PCSK6: variants seen among roughly 807,000 people sequenced by gnomAD.
The protein encoded by PCSK6 is paired basic amino acid cleaving enzyme 4.
A neutral mutation model predicts 123.3 loss-of-function variants in PCSK6; 85 were observed. That is an observed-to-expected ratio of 0.69 (90% CI 0.58 to 0.83). The LOEUF (loss-of-function observed/expected upper bound fraction) is 0.83. Ranked by LOEUF, PCSK6 falls within the 40% of genes least tolerant of loss-of-function variation. PCSK6 has a pLI of 0.00. For synonymous variants in PCSK6, 508 were observed against 516.0 expected (o/e 0.98, Z 0.21); for missense variants, 1,191 against 1,282.3 (o/e 0.93, Z 1.09).
At chr15:101,337,922 T>C (rs1487049485) in intron 13 of PCSK6, among the ~76,000 whole-genome samples, 4 of 152,236 alleles carry the variant, frequency 2.6e-5, no homozygotes. Context: ...CCAGTTCCCT[T>C]TTTTGAAATA....
chr15:101,432,139 G>T (rs765241552), intron 2 of PCSK6, 39 bp from the exon 3 acceptor site: 1 of 1,521,384 alleles, frequency 6.6e-7, no homozygotes, highest in Admixed American at 1.8e-5. Context: ...TATTAGAAAT[G>T]ATTTCTTGAT....
chr15:101,399,183 G>A (rs779656021), intron 6 of PCSK6, among the ~76,000 whole-genome samples: 37 of 152,308 alleles, frequency 2.4e-4, no homozygotes, highest in Admixed American at 9.8e-4. Flanking sequence ...TTACAGGCGT[G>A]AGCCACCACT....
At chr15:101,347,260 T>C in intron 13 of PCSK6, 1 of 1,232,420 alleles carries the variant, frequency 8.1e-7, no homozygotes, top group Non-Finnish European at 1.0e-6. Context: ...AAATCTCAAC[T>C]CTTATCTTAG....
intron 13 of PCSK6, among the ~76,000 whole-genome samples, chr15:101,364,043 C>T (rs905757549): frequency 2.6e-5 from 4 of 152,222 alleles, no homozygotes; most frequent in East Asian, 3.9e-4. Flanking sequence ...GTCAATTTTC[C>T]ACGTAAGGCA....
intron 5 of PCSK6, among the ~76,000 whole-genome samples, 180 bp from the exon 6 acceptor site, chr15:101,428,160 GCCTGGGTACAGC>G (rs1391165225): frequency 3.3e-5 from 5 of 152,222 alleles, no homozygotes; most frequent in African/African-American, 1.2e-4. Flanking sequence ...CACCAAGTCA[GCCTGGGTACAGC>G]CCTTCCTGGC....
chr15:101,407,430 C>T (rs1211396141), intron 6 of PCSK6, among the ~76,000 whole-genome samples: 1 of 152,104 alleles, frequency 6.6e-6, no homozygotes, highest in Non-Finnish European at 1.5e-5. Flanking sequence ...CCTTCAGGCG[C>T]TACCCAGGGT....
chr15:101,425,879 C>T (rs890029455), intron 6 of PCSK6, among the ~76,000 whole-genome samples: 11 of 152,166 alleles, frequency 7.2e-5, no homozygotes, highest in African/African-American at 2.7e-4. Flanking sequence ...CTGACTCCTC[C>T]CCGCAATCCA....
In PCSK6 at chr15:101,346,830, C is replaced by T. The variant is rs889329604; in HGVS notation, c.1859-14799G>A. On this transcript the variant is annotated intron_variant, in intron 13 of 21. Coordinates refer to ENST00000611716, the MANE Select transcript of PCSK6 (RefSeq NM_002570.5). ...ATGCTTTCTACTGGAGATACAGAAC[C>T]GACTAAACAATACTGTGATTCATAA... The T allele has an allele frequency of 5.0e-5, 62 of 1,231,234 alleles. 1 individual carries two copies. The highest frequency in any genetic ancestry group is 5.2e-5 in the Non-Finnish European group (51 of 987,794). The allele number at this position is 1,231,234 out of a possible 1,614,324, so 76.3% of individuals were successfully genotyped here.
At chr15:101,484,599 C>G (rs945648338) in intron 1 of PCSK6, among the ~76,000 whole-genome samples, 3 of 152,150 alleles carry the variant, frequency 2.0e-5, no homozygotes, top group Admixed American at 6.5e-5. Flanking sequence ...CCATGTTGGC[C>G]AGGCTGGTCT....
chr15:101,446,996 T>C (rs2056907986), intron 1 of PCSK6, among the ~76,000 whole-genome samples: 1 of 152,030 alleles, frequency 6.6e-6, no homozygotes, highest in South Asian at 2.1e-4. Context: ...AGTGAGAGAA[T>C]CAAAGGTGAC....
intron 6 of PCSK6, among the ~76,000 whole-genome samples, chr15:101,411,508 T>G (rs1452457885): frequency 6.6e-6 from 1 of 152,076 alleles, no homozygotes; most frequent in African/African-American, 2.4e-5. Flanking sequence ...CACAGCCACA[T>G]GGGGATCTGT....
chr15:101,443,702 C>T lies in PCSK6; in HGVS notation c.298-42G>A, dbSNP rs773401073. On this transcript the variant is annotated intron_variant, in intron 1 of 21. Transcript: ENST00000611716. ...AGAATGCCATCAATTAATAGTCTCA[C>T]GAACAGCTTCCAAAATCTTCCACCC... The T allele has an allele frequency of 2.8e-5, 40 of 1,431,496 alleles. No individual in the cohort carries two copies. The Admixed American group carries it at 4.2e-4, about 15-fold the overall frequency. The allele number at this position is 1,431,496 out of a possible 1,614,324, so 88.7% of individuals were successfully genotyped here. A position where few individuals can be genotyped will look rare whatever the true frequency, so the allele number is the denominator to read the frequency against.
At chr15:101,431,056 C>T (rs1489961123) in intron 4 of PCSK6, among the ~76,000 whole-genome samples, 4 of 152,196 alleles carry the variant, frequency 2.6e-5, no homozygotes, top group East Asian at 1.9e-4. Context: ...CCCCTCCATG[C>T]ATTTCTTAGT....
At position 101,416,692 on chromosome 15, in the gene PCSK6, C is replaced by T. The variant is rs1042676193; in HGVS notation, c.823+11200G>A. On this transcript the variant is annotated intron_variant, in intron 6 of 21. Coordinates refer to ENST00000611716, the MANE Select transcript of PCSK6 (RefSeq NM_002570.5). The stretch of plus-strand genomic sequence containing the variant: ...CTGTATGCAGCCTAAGGACTTGGTG[C>T]ACTGTGTCCTAGCCACGTCAGTCGT... 3.9e-5 allele frequency among the ~76,000 whole-genome samples: 6 copies of T among 152,366 alleles called. No homozygotes were observed. In the South Asian group the frequency reaches 6.2e-4, roughly 16 times the overall value.
chr15:101,399,139 G>C (rs1295970174), intron 6 of PCSK6, among the ~76,000 whole-genome samples: 1 of 152,162 alleles, frequency 6.6e-6, no homozygotes, highest in African/African-American at 2.4e-5. Flanking sequence ...GACCTCAAGT[G>C]ATCCACCTGC....
intron 4 of PCSK6, 47 bp from the exon 5 acceptor site, chr15:101,430,110 C>T (rs2056399809): frequency 1.4e-6 from 2 of 1,478,486 alleles, no homozygotes; most frequent in African/African-American, 2.8e-5. Context: ...CATGTGACAG[C>T]TCTGTTTGAA....
intron 6 of PCSK6, among the ~76,000 whole-genome samples, chr15:101,407,790 T>C (rs2042822641): frequency 6.6e-6 from 1 of 152,218 alleles, no homozygotes; most frequent in Non-Finnish European, 1.5e-5. Flanking sequence ...GGACGCATCC[T>C]CTTGGGAACT....
chr15:101,330,569 G>T (rs142199831), intron 15 of PCSK6, among the ~76,000 whole-genome samples: 2 of 152,296 alleles, frequency 1.3e-5, no homozygotes, highest in Non-Finnish European at 2.9e-5. Context: ...TCTCTGGTCT[G>T]CCCATCCCAC....
intron 12 of PCSK6, among the ~76,000 whole-genome samples, chr15:101,368,284 C>T (rs926532887): frequency 2.0e-5 from 3 of 152,082 alleles, no homozygotes; most frequent in Non-Finnish European, 4.4e-5. Flanking sequence ...CCCAGGGGAG[C>T]GGGAGAGGGG....
Sources: allele counts gnomAD v4.1 joint callset (sites outside exome capture counted in the v4.1 genomes callset), GRCh38; gene constraint gnomAD v4.1.1; transcripts MANE v1.5; gene names NCBI Gene and HGNC (gene_info 2026-07-23, HGNC 2026-07-21).